PBLD: variants seen among roughly 807,000 people sequenced by gnomAD.
PBLD encodes the protein phenazine biosynthesis like protein domain containing, also known as phenazine biosynthesis-like domain-containing protein.
Under a neutral mutation model 31.3 loss-of-function variants are expected in PBLD, and 26 were observed. The ratio of observed to expected loss-of-function variants is 0.83; its 90% confidence interval spans 0.61 to 1.15. The LOEUF is 1.15. PBLD is among the 50% of genes most tolerant of loss of function. The pLI, the probability that PBLD is intolerant of heterozygous loss-of-function variation, is 0.00. For missense variants in PBLD, 307 were observed against 351.7 expected (o/e 0.87, Z 1.02); for synonymous variants, 114 against 129.0 (o/e 0.88, Z 0.79).
At position 68,284,204 on chromosome 10, in the gene PBLD, A is replaced by ACTG; in HGVS notation, c.839_840insCAG (p.Val280_Val281insSer). On this transcript the variant is annotated inframe_insertion, in exon 10 of 10. Coordinates refer to ENST00000358769, the MANE Select transcript of PBLD (RefSeq NM_022129.4). Reference sequence around the variant, plus strand: ...AGGCTGTCAGTGTGCCCTCTAAAACAACAGCTGCACCTCCTCTAATGTCAA... The same window carrying ACTG: ...AGGCTGTCAGTGTGCCCTCTAAAACACTGACAGCTGCACCTCCTCTAATGTCAA... 1 of 1,614,086 alleles carries ACTG rather than the reference A, an allele frequency of 6.2e-7. No homozygotes were observed. The highest frequency in any genetic ancestry group is 1.7e-5 in the Admixed American group (1 of 60,002).
chr10:68,315,633 G>A (rs2044727561), intron 1 of PBLD, among the ~76,000 whole-genome samples: 1 of 151,764 alleles, frequency 6.6e-6, no homozygotes, highest in African/African-American at 2.4e-5. Flanking sequence ...GAATCTAGAA[G>A]GCAATATACA....
At chr10:68,318,031 T>C (rs886179587) in intron 1 of PBLD, among the ~76,000 whole-genome samples, 10 of 151,820 alleles carry the variant, frequency 6.6e-5, no homozygotes, top group African/African-American at 2.4e-4. Flanking sequence ...ATCGAGACCA[T>C]CCTGGATAAC....
chr10:68,290,376 C>T (rs2044343474), intron 6 of PBLD, among the ~76,000 whole-genome samples: 1 of 152,170 alleles, frequency 6.6e-6, no homozygotes, highest in Non-Finnish European at 1.5e-5. Context: ...TCTCCAGAGC[C>T]TTAGTCTCTC....
chr10:68,305,496 G>A (rs2044565107), intron 2 of PBLD, among the ~76,000 whole-genome samples: 1 of 151,998 alleles, frequency 6.6e-6, no homozygotes, highest in South Asian at 2.1e-4. Flanking sequence ...GCTCACGCCT[G>A]TAATCCCAGC....
chr10:68,288,258 C>T, intron 8 of PBLD: 1 of 529,468 alleles, frequency 1.9e-6, no homozygotes, highest in Non-Finnish European at 3.3e-6. Flanking sequence ...GGAATGTAAA[C>T]CCAGGCTGTC....
At chr10:68,327,356 C>T (rs2044938647) in intron 1 of PBLD, among the ~76,000 whole-genome samples, 1 of 151,886 alleles carries the variant, frequency 6.6e-6, no homozygotes, top group Admixed American at 6.6e-5. Context: ...ATAATGAGAT[C>T]TATATTTTTA....
rs143513666 is a variant in PBLD, at chr10:68,283,922, T to G, written c.*255A>C. 159 of 289,988 alleles carry G rather than the reference T, an allele frequency of 5.5e-4. No homozygotes were observed. The highest frequency in any genetic ancestry group is 8.6e-4 in the Non-Finnish European group (131 of 152,030). 18.0% of individuals were successfully genotyped at this position (289,988 alleles called of 1,614,324 possible). Reference sequence around the variant, plus strand: ...GCACCACACCCAGCTAATTTTTGTATTTGTAGTAGAGACGAGGTTTCACCA... The same window carrying G: ...GCACCACACCCAGCTAATTTTTGTAGTTGTAGTAGAGACGAGGTTTCACCA... On this transcript the variant is annotated 3_prime_UTR_variant, in exon 10 of 10. Coordinates refer to ENST00000358769, the MANE Select transcript of PBLD (RefSeq NM_022129.4).
chr10:68,292,875 A>C (rs2044378056), intron 4 of PBLD, among the ~76,000 whole-genome samples: 1 of 151,904 alleles, frequency 6.6e-6, no homozygotes, highest in South Asian at 2.1e-4. Flanking sequence ...TACCATTTAT[A>C]ATGTTTTCTC....
At chr10:68,296,471 CA>C (rs769290391) in intron 3 of PBLD, 107 bp from the exon 4 acceptor site, 72 of 759,438 alleles carry the variant, frequency 9.5e-5, no homozygotes, top group Non-Finnish European at 1.5e-4. Context: ...GATGAGTAGC[CA>C]AAACATGTTG....
intron 1 of PBLD, among the ~76,000 whole-genome samples, chr10:68,317,096 C>A (rs1030356239): frequency 2.0e-5 from 3 of 152,142 alleles, no homozygotes; most frequent in Non-Finnish European, 4.4e-5. Context: ...ATAAGATTAA[C>A]AGCTGGTTTA....
intron 9 of PBLD, among the ~76,000 whole-genome samples, chr10:68,284,533 C>T (rs753009955): frequency 1.9e-4 from 29 of 152,154 alleles, no homozygotes; most frequent in Admixed American, 3.9e-4. Flanking sequence ...TTTTCCTGGG[C>T]CATCTCCTTC....
Position 68,288,177 on chromosome 10 carries a change from A to G in PBLD, c.691+306T>C, listed in dbSNP as rs943602476. 1.1e-5 allele frequency: 4 copies of G among 366,930 alleles called. No homozygotes were observed. In the South Asian group the frequency reaches 1.2e-4, roughly 11 times the overall value. 22.7% of individuals were successfully genotyped at this position (366,930 alleles called of 1,614,324 possible). A position where few individuals can be genotyped will look rare whatever the true frequency, so the allele number is the denominator to read the frequency against. Reference sequence around the variant, plus strand: ...TATAGCCCTATGAGGTATTATATACAATTTATAGAGGAGGGAACTGAGACT... The same window carrying G: ...TATAGCCCTATGAGGTATTATATACGATTTATAGAGGAGGGAACTGAGACT... On this transcript the variant is annotated intron_variant, in intron 8 of 9. Transcript: ENST00000358769.
intron 1 of PBLD, among the ~76,000 whole-genome samples, chr10:68,311,270 C>T (rs1344733564): frequency 6.6e-6 from 1 of 151,848 alleles, no homozygotes; most frequent in African/African-American, 2.4e-5. Flanking sequence ...ATGGTGAAAC[C>T]CCATCTCTAC....
At chr10:68,306,985 C>A in intron 1 of PBLD, 82 bp from the exon 2 acceptor site, 1 of 611,622 alleles carries the variant, frequency 1.6e-6, no homozygotes, top group Non-Finnish European at 2.9e-6. Context: ...CAAAGTCAAG[C>A]AATTATTCAA....
intron 6 of PBLD, among the ~76,000 whole-genome samples, chr10:68,291,474 T>G (rs1268772787): frequency 6.6e-6 from 1 of 152,116 alleles, no homozygotes. Context: ...AGTCCCATCC[T>G]TTACTACAGA....
At chr10:68,330,657 T>G (rs2045029978) in intron 1 of PBLD, among the ~76,000 whole-genome samples, 1 of 151,896 alleles carries the variant, frequency 6.6e-6, no homozygotes, top group African/African-American at 2.4e-5. Flanking sequence ...GCCATTCTCC[T>G]GCCTCAGCCT....
rs2044254732 is a variant in PBLD, at chr10:68,283,792, C to G, written c.*385G>C. 1 of 182,276 alleles carries G rather than the reference C, an allele frequency of 5.5e-6. No homozygotes were observed. The highest frequency in any genetic ancestry group is 1.2e-4 in the South Asian group (1 of 8,628). The allele number at this position is 182,276 out of a possible 1,614,324, so 11.3% of individuals were successfully genotyped here. A position where few individuals can be genotyped will look rare whatever the true frequency, so the allele number is the denominator to read the frequency against. ...ATGGAGTCTTACTCTGTTGCCCAGG[C>G]TGGAGTGCAGTGGTGTGATCTCTGC... On this transcript the variant is annotated 3_prime_UTR_variant, in exon 10 of 10. Coordinates refer to ENST00000358769, the MANE Select transcript of PBLD (RefSeq NM_022129.4).
At chr10:68,313,355 C>A (rs2044696023) in intron 1 of PBLD, among the ~76,000 whole-genome samples, 1 of 152,088 alleles carries the variant, frequency 6.6e-6, no homozygotes, top group South Asian at 2.1e-4. Flanking sequence ...TCCCATTTGT[C>A]TATTTTTTGT....
At chr10:68,306,715 A>G (rs1183042595) in intron 2 of PBLD, 46 bp downstream of exon 2, 1 of 1,522,356 alleles carries the variant, frequency 6.6e-7, no homozygotes, top group African/African-American at 1.4e-5. Flanking sequence ...TTGTTTCTAC[A>G]GGAATCTAGA....
Sources: allele counts gnomAD v4.1 joint callset (sites outside exome capture counted in the v4.1 genomes callset), GRCh38; gene constraint gnomAD v4.1.1; transcripts MANE v1.5; gene names NCBI Gene and HGNC (gene_info 2026-07-23, HGNC 2026-07-21).